Variants in GAP43 observed in about 807,000 individuals in gnomAD.
GAP43 encodes the protein growth associated protein 43.
Under a neutral mutation model 18.6 loss-of-function variants are expected in GAP43, and 6 were observed. The observed-to-expected ratio is 0.32, with a 90% CI of 0.18 to 0.64. The LOEUF is 0.64. GAP43 is among the 30% of genes least tolerant of loss of function. The pLI is 0.78. For missense variants in GAP43, 292 were observed against 295.5 expected, an observed-to-expected ratio of 0.99 and a Z score of 0.09; for synonymous variants, 115 against 111.4, an observed-to-expected ratio of 1.03 and a Z score of -0.20.
At chr3:115,627,673 T>G (rs1708207813) in intron 1 of GAP43, among the ~76,000 whole-genome samples, 1 of 152,100 alleles carries the variant, frequency 6.6e-6, no homozygotes, top group Non-Finnish European at 1.5e-5. Context: ...CATAACCAGG[T>G]CATCTCAAGA....
At chr3:115,650,868 C>T (rs1479784010) in intron 1 of GAP43, among the ~76,000 whole-genome samples, 1 of 152,044 alleles carries the variant, frequency 6.6e-6, no homozygotes, top group Non-Finnish European at 1.5e-5. Flanking sequence ...GTGGCTCATG[C>T]CTGTAATCTC....
chr3:115,692,515 G>A (rs1709127703), intron 2 of GAP43, among the ~76,000 whole-genome samples: 1 of 152,202 alleles, frequency 6.6e-6, no homozygotes, highest in Admixed American at 6.5e-5. Context: ...AAATAAGTCT[G>A]TGACTGCTTG....
At chr3:115,629,767 G>GAATA (rs1176714399) in intron 1 of GAP43, among the ~76,000 whole-genome samples, 7 of 152,096 alleles carry the variant, frequency 4.6e-5, no homozygotes, top group Non-Finnish European at 7.4e-5. Flanking sequence ...TGTTAACCAT[G>GAATA]AATAATCTGT....
chr3:115,698,100 A>T (rs1576998358), intron 2 of GAP43, among the ~76,000 whole-genome samples: 1 of 44,782 alleles, frequency 2.2e-5, no homozygotes, highest in Non-Finnish European at 4.2e-5. Context: ...ATTATATATA[A>T]TATATAAAAT....
intron 1 of GAP43, among the ~76,000 whole-genome samples, chr3:115,639,638 G>T (rs1708373338): frequency 6.6e-6 from 1 of 151,912 alleles, no homozygotes; most frequent in Non-Finnish European, 1.5e-5. Flanking sequence ...TTTATTATGG[G>T]GGAAGTATCC....
intron 2 of GAP43, among the ~76,000 whole-genome samples, chr3:115,715,957 C>T (rs1709497077): frequency 6.6e-6 from 1 of 152,172 alleles, no homozygotes; most frequent in Non-Finnish European, 1.5e-5. Flanking sequence ...TTCAGTCTCC[C>T]TGTGTTTCAG....
intron 2 of GAP43, among the ~76,000 whole-genome samples, chr3:115,681,431 T>C (rs1173419785): frequency 6.6e-6 from 1 of 152,174 alleles, no homozygotes; most frequent in Non-Finnish European, 1.5e-5. Flanking sequence ...TTAGCTGTTG[T>C]TGTGATCTGA....
At chr3:115,700,214 CATA>C (rs1442101744) in intron 2 of GAP43, among the ~76,000 whole-genome samples, 1 of 152,128 alleles carries the variant, frequency 6.6e-6, no homozygotes, top group African/African-American at 2.4e-5. Context: ...ACAAGACCAC[CATA>C]ATAATCATGT....
intron 1 of GAP43, among the ~76,000 whole-genome samples, chr3:115,636,198 G>A (rs1397311652): frequency 6.6e-6 from 1 of 151,718 alleles, no homozygotes; most frequent in African/African-American, 2.4e-5. Context: ...GTGTCATGTT[G>A]AACTAACTAT....
intron 1 of GAP43, among the ~76,000 whole-genome samples, chr3:115,661,830 G>GTTTTTTTTTTTTTTTTTTTTTTTTT (rs1576986136): frequency 3.5e-5 from 1 of 28,652 alleles, no homozygotes; most frequent in African/African-American, 1.4e-4. Flanking sequence ...AGAAACTAGG[G>GTTTTTTTTTTTTTTTTTTTTTTTTT]CTTTTTTTTT....
At chr3:115,650,720 T>C (rs1244429054) in intron 1 of GAP43, among the ~76,000 whole-genome samples, 1 of 152,184 alleles carries the variant, frequency 6.6e-6, no homozygotes, top group East Asian at 1.9e-4. Context: ...AACTTTGATA[T>C]ATAACTATAA....
In GAP43 at chr3:115,700,619, T is replaced by A. The variant is rs1375046703; in HGVS notation, c.629-20175T>A. On this transcript the variant is annotated intron_variant, in intron 2 of 2. Transcript: ENST00000305124. The stretch of plus-strand genomic sequence containing the variant: ...ATGCTCCATAGAATTTCTCTCTATA[T>A]TATTATGTACACTGAAGTTAACTTC... Among the ~76,000 whole-genome samples, 6 of 152,264 alleles carry A rather than the reference T, an allele frequency of 3.9e-5. No individual in the cohort carries two copies. The East Asian group carries it at 1.2e-3, about 29-fold the overall frequency.
At chr3:115,629,175 C>T (rs1009140840) in intron 1 of GAP43, among the ~76,000 whole-genome samples, 2 of 152,120 alleles carry the variant, frequency 1.3e-5, no homozygotes, top group Non-Finnish European at 2.9e-5. Flanking sequence ...ATATAAATAA[C>T]CTGGCACAGA....
intron 2 of GAP43, among the ~76,000 whole-genome samples, chr3:115,682,071 A>C (rs1445493431): frequency 1.3e-5 from 2 of 152,224 alleles, no homozygotes; most frequent in Non-Finnish European, 2.9e-5. Context: ...TCTGGGAATT[A>C]TTAGGGATAG....
intron 2 of GAP43, among the ~76,000 whole-genome samples, chr3:115,701,202 G>C (rs1356651206): frequency 3.3e-5 from 5 of 152,044 alleles, no homozygotes; most frequent in Non-Finnish European, 7.4e-5. Flanking sequence ...GGAACAGAAT[G>C]ATATGTTAAG....
At chr3:115,709,765 T>C (rs190256824) in intron 2 of GAP43, among the ~76,000 whole-genome samples, 22 of 152,138 alleles carry the variant, frequency 1.4e-4, no homozygotes, top group Non-Finnish European at 2.4e-4. Flanking sequence ...AGTCATATTG[T>C]AACTGTCCTT....
At chr3:115,646,010 A>C (rs1432189825) in intron 1 of GAP43, among the ~76,000 whole-genome samples, 1 of 152,156 alleles carries the variant, frequency 6.6e-6, no homozygotes, top group African/African-American at 2.4e-5. Flanking sequence ...ATTTTAAAAA[A>C]TTAAGTGTTG....
intron 2 of GAP43, among the ~76,000 whole-genome samples, chr3:115,711,264 G>C (rs1709434188): frequency 6.6e-6 from 1 of 152,060 alleles, no homozygotes; most frequent in Non-Finnish European, 1.5e-5. Flanking sequence ...GCATGTATTT[G>C]GAATTCCCCT....
chr3:115,665,604 C>A (rs1020762022), intron 1 of GAP43, among the ~76,000 whole-genome samples: 14 of 152,122 alleles, frequency 9.2e-5, no homozygotes, highest in African/African-American at 3.4e-4. Flanking sequence ...TCATTTCCCC[C>A]CACCACAGCC....
Sources: gnomAD v4.1 joint callset for allele counts (sites outside exome capture counted in the v4.1 genomes callset) on GRCh38, gnomAD v4.1.1 for gene constraint, MANE v1.5 for transcripts, NCBI Gene and HGNC (gene_info 2026-07-23, HGNC 2026-07-21) for gene names.